ADGRL1: variants seen among roughly 807,000 people sequenced by gnomAD.
ADGRL1 encodes CIRL-1.
A neutral mutation model predicts 148.9 loss-of-function variants in ADGRL1; 31 were observed. The observed-to-expected ratio is 0.21, with a 90% confidence interval of 0.16 to 0.28. The LOEUF (loss-of-function observed/expected upper bound fraction) is 0.28. ADGRL1 is among the 10% of genes least tolerant of loss of function. The probability of loss-of-function intolerance (pLI) is 1.00; values close to 1 mark genes in which losing one functional copy is unlikely to be tolerated. For synonymous variants in ADGRL1, 937 were observed against 900.3 expected (o/e 1.04, Z -0.73); for missense variants, 1,521 against 2,058.8 (o/e 0.74, Z 5.05).
chr19:14,202,070 C>T (rs1032422847), intron 1 of ADGRL1, among the ~76,000 whole-genome samples: 1 of 152,024 alleles, frequency 6.6e-6, no homozygotes, highest in Non-Finnish European at 1.5e-5. Flanking sequence ...TAGGATCACA[C>T]TTAGCACACT....
In ADGRL1 at chr19:14,163,452, G is replaced by A. The variant is rs764156838; in HGVS notation, c.395-46C>T. On this transcript the variant is annotated intron_variant, in intron 4 of 22. Coordinates refer to ENST00000361434, the MANE Select transcript of ADGRL1 (RefSeq NM_014921.5). ...GGGAGGAGGTAGGAGAGAAGGGGCAGAGGCGAGAGGGAGGAGAGAGAGAGA... is the reference window on the plus strand; with the variant it reads ...GGGAGGAGGTAGGAGAGAAGGGGCAAAGGCGAGAGGGAGGAGAGAGAGAGA... 112 of 1,319,798 alleles carry A rather than the reference G, an allele frequency of 8.5e-5. 1 individual carries two copies. In the South Asian group the frequency reaches 1.5e-3, roughly 18 times the overall value. 81.8% of individuals were successfully genotyped at this position (1,319,798 alleles called of 1,614,324 possible).
chr19:14,190,423 T>A (rs1971855554), intron 1 of ADGRL1, among the ~76,000 whole-genome samples: 1 of 152,194 alleles, frequency 6.6e-6, no homozygotes, highest in Non-Finnish European at 1.5e-5. Context: ...TGTGCCACCA[T>A]GCTTGGCTGA....
chr19:14,183,107 C>T (rs958976669), intron 2 of ADGRL1, among the ~76,000 whole-genome samples: 4 of 151,898 alleles, frequency 2.6e-5, no homozygotes, highest in East Asian at 1.9e-4. Context: ...AGGGCCGAGC[C>T]GGGTAATTAG....
rs191058366 is a variant in ADGRL1, at chr19:14,167,767, G to A, written c.394+2915C>T. ...GTTGGGGAGACGGAGGCAGAGAGGT[G>A]GCGGGGGTGGGGGACACAGACTGGG... is the stretch of plus-strand genomic sequence containing the variant. On this transcript the variant is annotated intron_variant, in intron 4 of 22. Transcript: ENST00000361434. 1.7e-3 allele frequency among the ~76,000 whole-genome samples: 252 copies of A among 152,124 alleles called. 1 individual carries two copies. The highest frequency in any genetic ancestry group is 5.8e-3 in the African/African-American group (240 of 41,492).
At chr19:14,190,630 G>C (rs1240132001) in intron 1 of ADGRL1, among the ~76,000 whole-genome samples, 2 of 152,166 alleles carry the variant, frequency 1.3e-5, no homozygotes, top group Non-Finnish European at 2.9e-5. Flanking sequence ...GCCTTCCCCT[G>C]TGCCCTCACC....
chr19:14,153,398 G>T (rs1368072175), intron 18 of ADGRL1, among the ~76,000 whole-genome samples: 2 of 151,284 alleles, frequency 1.3e-5, no homozygotes. Flanking sequence ...TGCTGACTTG[G>T]GAGCAGGTTG....
intron 1 of ADGRL1, chr19:14,191,196 C>T: frequency 2.2e-6 from 1 of 456,760 alleles, no homozygotes; most frequent in Non-Finnish European, 4.4e-6. Flanking sequence ...GGGTTCCCAC[C>T]CTCCAGCCTC....
chr19:14,158,116 C>T (rs1968956336), intron 12 of ADGRL1, 64 bp from the exon 13 acceptor site: 1 of 1,539,150 alleles, frequency 6.5e-7, no homozygotes, highest in African/African-American at 1.4e-5. Flanking sequence ...CATTCCGACC[C>T]CCCACACCTG....
At chr19:14,183,225 G>GAGAGAGAGAGAC in intron 2 of ADGRL1, among the ~76,000 whole-genome samples, 1 of 151,996 alleles carries the variant, frequency 6.6e-6, no homozygotes, top group Non-Finnish European at 1.5e-5. Flanking sequence ...GAGCGAGAGA[G>GAGAGAGAGAGAC]AGACAGAGAG....
intron 1 of ADGRL1, among the ~76,000 whole-genome samples, chr19:14,193,449 C>T (rs192944225): frequency 4.6e-5 from 7 of 151,950 alleles, no homozygotes; most frequent in Admixed American, 2.0e-4. Flanking sequence ...TAGCCGAGCA[C>T]GGTGGCACGT....
At chr19:14,156,007 C>T in intron 17 of ADGRL1, 103 bp downstream of exon 17, 1 of 850,096 alleles carries the variant, frequency 1.2e-6, no homozygotes, top group East Asian at 2.6e-5. Flanking sequence ...ATGTGTGTCA[C>T]CAGAGGTGAC....
chr19:14,156,321 C>A, intron 16 of ADGRL1, 120 bp from the exon 17 acceptor site: 3 of 790,084 alleles, frequency 3.8e-6, no homozygotes, highest in South Asian at 3.2e-5. Context: ...GCTGGGAGAA[C>A]CCCGTACCTG....
rs1409639831 is a variant in ADGRL1, at chr19:14,163,296, T to C, written c.505A>G (p.Ile169Val). The C allele has an allele frequency of 6.2e-7, 1 of 1,613,412 alleles. No individual in the cohort carries two copies. The highest frequency in any genetic ancestry group is 1.3e-5 in the African/African-American group (1 of 74,922). The change falls in exon 5 of 23, where the codon ATC (isoleucine) becomes GTC (valine). Residue 169 changes from isoleucine to valine, a missense_variant. Physicochemically the swap from Ile to Val is conservative, Grantham distance 29 (BLOSUM62 3). Coordinates refer to ENST00000361434, the MANE Select transcript of ADGRL1 (RefSeq NM_014921.5). ...TAGGGGATCCAGGGCATCACGTAGA[T>C]GCGGTCACCCGCCTGCAGCGGGTCC... ...CKDPLQAGDR[I>V]YVMPWIPYRT...
Position 14,160,234 on chromosome 19 carries a change from TG to T in ADGRL1, c.1677del (p.Ile560SerfsTer10). On this transcript the variant is annotated frameshift_variant, in exon 8 of 23. Coordinates refer to ENST00000361434, the MANE Select transcript of ADGRL1 (RefSeq NM_014921.5). LOFTEE classifies it high-confidence loss of function. This position sits in a 1 kb window ranked among gnomAD's most constrained non-coding sequence, Gnocchi z 5.9. The part of the protein sequence containing the change: ...ASELARHTRG[S>X]IYAGDVSSSV... Reference sequence around the variant, plus strand: ...GAGGAGGAGACGTCCCCCGCGTAGATGGAGCCCCGGGTGTGTCGGGCCAGCT... The same window carrying T: ...GAGGAGGAGACGTCCCCCGCGTAGATGAGCCCCGGGTGTGTCGGGCCAGCT... The T allele has an allele frequency of 6.2e-7, 1 of 1,600,386 alleles. No homozygotes were observed.
At chr19:14,180,649 AG>A (rs1971127098) in intron 2 of ADGRL1, among the ~76,000 whole-genome samples, 1 of 152,104 alleles carries the variant, frequency 6.6e-6, no homozygotes. Flanking sequence ...TCCTGGGCTC[AG>A]GGGATCCTCC....
In ADGRL1 at chr19:14,201,032, G is replaced by C. The variant is rs139372558; in HGVS notation, c.-96+4953C>G. ...AGGTGTTACGACTGTGGGGCTGGAG[G>C]TGTCACTGACATCCATCGGGAAGAG... On this transcript the variant is annotated intron_variant, in intron 1 of 22. Transcript: ENST00000361434. Among the ~76,000 whole-genome samples, 1,032 of 152,292 alleles carry C rather than the reference G, an allele frequency of 6.8e-3. 9 individuals carry two copies. The highest frequency in any genetic ancestry group is 0.024 in the African/African-American group (995 of 41,562).
intron 16 of ADGRL1, 74 bp from the exon 17 acceptor site, chr19:14,156,275 C>T: frequency 3.3e-6 from 4 of 1,203,998 alleles, no homozygotes; most frequent in Non-Finnish European, 4.9e-6. Flanking sequence ...GGCTAGGGCC[C>T]AGCCTGGCGA....
intron 1 of ADGRL1, among the ~76,000 whole-genome samples, chr19:14,193,946 C>A (rs571137045): frequency 1.8e-4 from 28 of 152,230 alleles, no homozygotes; most frequent in African/African-American, 6.3e-4. Flanking sequence ...AGCTGGGAGG[C>A]GACACAATTC....
At chr19:14,174,842 T>TC (rs1426813935) in intron 3 of ADGRL1, among the ~76,000 whole-genome samples, 2 of 148,336 alleles carry the variant, frequency 1.3e-5, no homozygotes, top group Non-Finnish European at 3.0e-5. Flanking sequence ...GGTCTGTTTT[T>TC]TTTTTTTTTT....
Sources: gnomAD v4.1 joint callset for allele counts (sites outside exome capture counted in the v4.1 genomes callset) on GRCh38, gnomAD v4.1.1 for gene constraint, Gnocchi (gnomAD v3.1) non-coding constraint, MANE v1.5 for transcripts, NCBI Gene and HGNC (gene_info 2026-07-23, HGNC 2026-07-21) for gene names.